Variants in GRIK4 observed in about 807,000 individuals in gnomAD.
GRIK4 encodes glutamate ionotropic receptor kainate type subunit 4, also known as glutamate receptor ionotropic, kainate 4.
GRIK4 carries 40 observed loss-of-function variants against 104.9 expected under a neutral mutation model. The observed-to-expected ratio is 0.38, with a 90% CI of 0.30 to 0.50. GRIK4 has a LOEUF of 0.50. Among genes scored for constraint, GRIK4 ranks in the 20% least tolerant of loss-of-function variants. GRIK4 has a pLI of 0.93. For synonymous variants in GRIK4, 485 were observed against 524.9 expected, an observed-to-expected ratio of 0.92 and a Z score of 1.04; for missense variants, 1,047 against 1,308.1, an observed-to-expected ratio of 0.80 and a Z score of 3.08.
At chr11:120,552,688 T>G (rs1948151111) in intron 1 of GRIK4, among the ~76,000 whole-genome samples, 1 of 152,074 alleles carries the variant, frequency 6.6e-6, no homozygotes, top group African/African-American at 2.4e-5. Context: ...CGACTTGGGA[T>G]TTAGCCAGGG....
chr11:120,589,751 C>T (rs1948712842), intron 1 of GRIK4, among the ~76,000 whole-genome samples: 1 of 152,194 alleles, frequency 6.6e-6, no homozygotes, highest in South Asian at 2.1e-4. Context: ...AATTCCCGGC[C>T]TCAACAGGAG....
At chr11:120,852,386 A>C (rs1167305858) in intron 8 of GRIK4, among the ~76,000 whole-genome samples, 1 of 152,224 alleles carries the variant, frequency 6.6e-6, no homozygotes, top group Admixed American at 6.5e-5. Flanking sequence ...GCACTTGCTA[A>C]GCGCAAGTGT....
intron 3 of GRIK4, among the ~76,000 whole-genome samples, chr11:120,710,396 T>C (rs7119619): frequency 0.25 from 37,908 of 152,054 alleles, 6,407 homozygotes; most frequent in African/African-American, 0.48. Flanking sequence ...CAAGATACAG[T>C]TCGGACCTCC....
At chr11:120,735,436 G>T (rs1591847046) in intron 3 of GRIK4, among the ~76,000 whole-genome samples, 1 of 152,242 alleles carries the variant, frequency 6.6e-6, no homozygotes, top group East Asian at 1.9e-4. Context: ...TGGGGGTGGG[G>T]TGATGGAAGC....
chr11:120,587,864 A>C (rs1257777998), intron 1 of GRIK4, among the ~76,000 whole-genome samples: 3 of 152,204 alleles, frequency 2.0e-5, no homozygotes, highest in Non-Finnish European at 4.4e-5. Flanking sequence ...TGGGAGGAGC[A>C]GGGCCTTGTT....
At chr11:120,811,282 G>T (rs1323095006) in intron 4 of GRIK4, among the ~76,000 whole-genome samples, 1 of 152,172 alleles carries the variant, frequency 6.6e-6, no homozygotes, top group East Asian at 1.9e-4. Context: ...GCTCATTATA[G>T]AAAGTAGTGA....
At chr11:120,654,154 C>G (rs1350552465) in intron 2 of GRIK4, among the ~76,000 whole-genome samples, 1 of 152,200 alleles carries the variant, frequency 6.6e-6, no homozygotes, top group Non-Finnish European at 1.5e-5. Context: ...CTGAATTCAA[C>G]TGTAGTCAAA....
chr11:120,956,934 C>T lies in GRIK4; in HGVS notation c.1855C>T (p.Arg619Cys), dbSNP rs1372869089. Residue 619 changes from arginine to cysteine, a missense_variant, in exon 16 of 21, where the codon CGC (arginine) becomes TGC (cysteine). Transcript: ENST00000527524. This position sits in a 1 kb window ranked among gnomAD's most constrained non-coding sequence, Gnocchi z 4.6. Reference sequence around the variant, plus strand: ...CATCGCCCCTCGCGCCTTATCCACCCGCTGTGTCAGTGGCGTCTGGTAAGG... The same window carrying T: ...CATCGCCCCTCGCGCCTTATCCACCTGCTGTGTCAGTGGCGTCTGGTAAGG... Reference protein sequence around the residue: ...STIAPRALSTRCVSGVWWAFT... With the variant: ...STIAPRALSTCCVSGVWWAFT... The T allele has an allele frequency of 5.0e-6, 8 of 1,610,718 alleles. No homozygotes were observed. The highest frequency in any genetic ancestry group is 2.2e-5 in the East Asian group (1 of 44,842).
At chr11:120,607,619 G>C (rs1184392865) in intron 1 of GRIK4, among the ~76,000 whole-genome samples, 1 of 152,170 alleles carries the variant, frequency 6.6e-6, no homozygotes, top group Non-Finnish European at 1.5e-5. Flanking sequence ...TGGGGTGCCT[G>C]TAAGCTGGCC....
chr11:120,744,910 A>G (rs891091234), intron 3 of GRIK4, among the ~76,000 whole-genome samples: 1 of 152,250 alleles, frequency 6.6e-6, no homozygotes, highest in African/African-American at 2.4e-5. Context: ...CATCAGAATC[A>G]TCATTATCCA....
chr11:120,543,136 A>G (rs1336365992), intron 1 of GRIK4, among the ~76,000 whole-genome samples: 1 of 152,176 alleles, frequency 6.6e-6, no homozygotes, highest in Non-Finnish European at 1.5e-5. Context: ...GGGAGGAGGG[A>G]TAGGAGCGGA....
intron 1 of GRIK4, among the ~76,000 whole-genome samples, chr11:120,586,845 C>T (rs1242711592): frequency 6.6e-6 from 1 of 152,172 alleles, no homozygotes; most frequent in East Asian, 1.9e-4. Context: ...TGGTTAGGAT[C>T]AGGCCCTGCA....
At chr11:120,749,450 A>G (rs3132780) in intron 3 of GRIK4, among the ~76,000 whole-genome samples, 18,140 of 152,182 alleles carry the variant, frequency 0.12, 1,365 homozygotes, top group South Asian at 0.25. Context: ...GGAAGCAAAC[A>G]GTCCTACTTC....
At chr11:120,820,681 C>G (rs764401729) in intron 6 of GRIK4, among the ~76,000 whole-genome samples, 1 of 152,184 alleles carries the variant, frequency 6.6e-6, no homozygotes, top group Non-Finnish European at 1.5e-5. Flanking sequence ...GCTCACCTGT[C>G]CAGGGCTTAC....
Position 120,819,998 on chromosome 11 carries a change from G to A in GRIK4, c.511+78G>A, listed in dbSNP as rs957707014. 3.7e-5 allele frequency: 52 copies of A among 1,423,872 alleles called. 1 individual carries two copies. In the Admixed American group the frequency reaches 9.0e-4, roughly 25 times the overall value. The allele number at this position is 1,423,872 out of a possible 1,614,324, so 88.2% of individuals were successfully genotyped here. A position where few individuals can be genotyped will look rare whatever the true frequency, so the allele number is the denominator to read the frequency against. On this transcript the variant is annotated intron_variant, in intron 6 of 20. Transcript: ENST00000527524. The surrounding 1 kb of genome is among the most constrained non-coding windows in gnomAD (Gnocchi z 4.3). Reference sequence around the variant, plus strand: ...GCCCTGATTCCCTGTGCCCCTGGCTGGAGACCCTCCAGGAAGGGGAGGCTT... The same window carrying A: ...GCCCTGATTCCCTGTGCCCCTGGCTAGAGACCCTCCAGGAAGGGGAGGCTT...
intron 8 of GRIK4, among the ~76,000 whole-genome samples, chr11:120,851,830 A>G (rs181565346): frequency 3.0e-4 from 45 of 152,254 alleles, no homozygotes; most frequent in Non-Finnish European, 2.6e-4. Flanking sequence ...GGAGCACATA[A>G]ATTAGTAAGG....
At chr11:120,550,076 G>A (rs1010430347) in intron 1 of GRIK4, among the ~76,000 whole-genome samples, 4 of 152,246 alleles carry the variant, frequency 2.6e-5, no homozygotes, top group African/African-American at 9.6e-5. Context: ...TGCTGTGGCT[G>A]CCTGGTTGCG....
At chr11:120,943,101 C>CCT (rs1810207250) in intron 14 of GRIK4, among the ~76,000 whole-genome samples, 1 of 127,810 alleles carries the variant, frequency 7.8e-6, no homozygotes, top group South Asian at 2.7e-4. Context: ...TATCTCTGTC[C>CCT]CTCTCTACAC....
intron 3 of GRIK4, among the ~76,000 whole-genome samples, chr11:120,715,278 C>G (rs566833618): frequency 1.3e-5 from 2 of 152,256 alleles, no homozygotes; most frequent in South Asian, 4.1e-4. Context: ...GGAGCCCCAA[C>G]CTACGAGGGC....
Sources: allele counts gnomAD v4.1 joint callset (sites outside exome capture counted in the v4.1 genomes callset), GRCh38; gene constraint gnomAD v4.1.1; non-coding constraint Gnocchi (gnomAD v3.1); transcripts MANE v1.5; gene names NCBI Gene and HGNC (gene_info 2026-07-23, HGNC 2026-07-21).